The following INSL6 variants were observed in gnomAD, a reference collection of about 807,000 sequenced individuals.
The protein encoded by INSL6 is insulin-like peptide INSL6.
INSL6 carries 16 observed loss-of-function variants against 9.4 expected under a neutral mutation model. That is an observed-to-expected ratio of 1.70 (90% CI 1.15 to 2.59). The LOEUF is 2.59. Among genes scored for constraint, INSL6 ranks in the 30% most tolerant of loss-of-function variants. The pLI is 0.00. For synonymous variants in INSL6, 154 were observed against 96.9 expected, an observed-to-expected ratio of 1.59 and a Z score of -3.46; for missense variants, 391 against 257.3, an observed-to-expected ratio of 1.52 and a Z score of -3.56.
chr9:5,156,767 A>T (rs1485762970), intron 2 of INSL6, among the ~76,000 whole-genome samples: 3 of 152,236 alleles, frequency 2.0e-5, no homozygotes, highest in Non-Finnish European at 4.4e-5. Flanking sequence ...CTGTTTATAA[A>T]GAAAATCCCA....
intron 2 of INSL6, among the ~76,000 whole-genome samples, chr9:5,139,607 A>G (rs1488120972): frequency 2.0e-5 from 3 of 152,202 alleles, no homozygotes; most frequent in Admixed American, 6.5e-5. Flanking sequence ...TACATGAAAT[A>G]TAACTAGAAG....
the INSL6 span, chr9:5,054,797 G>T: frequency 1.9e-6 from 3 of 1,613,078 alleles, no homozygotes; most frequent in Non-Finnish European, 2.5e-6. The surrounding 1 kb of genome is among the most constrained non-coding windows in gnomAD (Gnocchi z 4.9). Flanking sequence ...CAGGTGAGGA[G>T]ATTTTTGCAA....
the INSL6 span, among the ~76,000 whole-genome samples, chr9:5,031,142 C>T: frequency 6.6e-6 from 1 of 152,092 alleles, no homozygotes; most frequent in African/African-American, 2.4e-5. Flanking sequence ...ATCAATTTCT[C>T]TTATGCTATA....
At chr9:5,072,439 T>C in the INSL6 span, 17 of 1,374,214 alleles carry the variant, frequency 1.2e-5, no homozygotes, top group Non-Finnish European at 1.7e-5. Flanking sequence ...TTCTTGTTCC[T>C]ACTTCGTTCT....
the INSL6 span, among the ~76,000 whole-genome samples, chr9:5,065,411 CCTT>C: frequency 6.6e-6 from 1 of 152,134 alleles, no homozygotes; most frequent in African/African-American, 2.4e-5. Flanking sequence ...TAGTCCATCT[CCTT>C]CTACTGAAAG....
chr9:5,091,016 C>A, the INSL6 span: 1 of 850,460 alleles, frequency 1.2e-6, no homozygotes, highest in Non-Finnish European at 1.8e-6. Context: ...TAACAGTGAA[C>A]ATTTAAGTCT....
the INSL6 span, chr9:5,108,485 C>T: frequency 2.0e-5 from 3 of 152,002 alleles, no homozygotes; most frequent in African/African-American, 7.3e-5. Context: ...AACTGTTAGC[C>T]TCCTTATCCA....
the INSL6 span, chr9:5,044,570 G>A: frequency 2.6e-5 from 30 of 1,164,808 alleles, no homozygotes; most frequent in Non-Finnish European, 3.7e-5. Context: ...TAAATATCTT[G>A]CTGTTTAATA....
chr9:5,140,802 G>A (rs1249129422), intron 2 of INSL6, among the ~76,000 whole-genome samples: 1 of 151,966 alleles, frequency 6.6e-6, no homozygotes, highest in Non-Finnish European at 1.5e-5. Context: ...TTGCTGTACA[G>A]ATTATTTTGT....
intron 3 of INSL6, chr9:5,132,719 G>C (rs1306167857): frequency 6.6e-6 from 1 of 152,164 alleles, no homozygotes; most frequent in Non-Finnish European, 1.5e-5. Flanking sequence ...TGTTGATAAA[G>C]TCCTAAATCT....
At chr9:5,117,673 T>A in the INSL6 span, among the ~76,000 whole-genome samples, 4 of 151,546 alleles carry the variant, frequency 2.6e-5, no homozygotes, top group East Asian at 5.8e-4. Context: ...TTAAATAAAT[T>A]AATAAATATT....
the INSL6 span, chr9:5,111,399 G>A: frequency 2.5e-6 from 1 of 403,472 alleles, no homozygotes. Context: ...GAGGCGGACA[G>A]CGGCCTGGAC....
chr9:5,154,661 G>A (rs182192663), intron 2 of INSL6, among the ~76,000 whole-genome samples: 191 of 152,204 alleles, frequency 1.3e-3, no homozygotes, highest in African/African-American at 4.3e-3. Context: ...ACAACTGGAC[G>A]AAGGATATGA....
downstream of INSL6, among the ~76,000 whole-genome samples, chr9:5,120,510 A>G (rs1157509496): frequency 6.6e-6 from 1 of 152,206 alleles, no homozygotes; most frequent in Non-Finnish European, 1.5e-5. Flanking sequence ...GTTTTAAGCT[A>G]ACAATATGGT....
intron 2 of INSL6, among the ~76,000 whole-genome samples, chr9:5,141,902 G>A (rs990075946): frequency 6.6e-6 from 1 of 152,166 alleles, no homozygotes; most frequent in Non-Finnish European, 1.5e-5. Context: ...TGTATATGGT[G>A]TAAGGAAGGG....
chr9:5,101,521 A>C, the INSL6 span, among the ~76,000 whole-genome samples: 3 of 152,214 alleles, frequency 2.0e-5, no homozygotes, highest in Admixed American at 6.5e-5. Flanking sequence ...CTCTGAAGAG[A>C]GCAGTGTTTC....
downstream of INSL6, among the ~76,000 whole-genome samples, chr9:5,119,967 T>C (rs1044488330): frequency 2.6e-5 from 4 of 152,236 alleles, no homozygotes; most frequent in Admixed American, 2.0e-4. Flanking sequence ...AGCTAACTTA[T>C]TGAATAATAA....
intron 2 of INSL6, among the ~76,000 whole-genome samples, chr9:5,140,871 C>A (rs1326242657): frequency 6.6e-6 from 1 of 151,902 alleles, no homozygotes; most frequent in African/African-American, 2.4e-5. Flanking sequence ...CACCCTCCAC[C>A]CTCTAATAGG....
chr9:5,065,122 T>G, the INSL6 span: 2 of 843,880 alleles, frequency 2.4e-6, no homozygotes, highest in Non-Finnish European at 3.3e-6. Context: ...GTGATACATG[T>G]ATGTTTAGAA....
Sources: gnomAD v4.1 joint callset for allele counts (sites outside exome capture counted in the v4.1 genomes callset) on GRCh38, gnomAD v4.1.1 for gene constraint, Gnocchi (gnomAD v3.1) non-coding constraint, MANE v1.5 for transcripts, NCBI Gene and HGNC (gene_info 2026-07-23, HGNC 2026-07-21) for gene names.